The following XKR6 variants were observed in gnomAD, a reference collection of about 807,000 sequenced individuals.
XKR6 encodes the protein XK-related protein 6.
XKR6 carries 22 observed loss-of-function variants against 56.7 expected under a neutral mutation model. The observed-to-expected ratio is 0.39, with a 90% CI of 0.28 to 0.55. XKR6 has a LOEUF of 0.55. XKR6 is among the 20% of genes least tolerant of loss of function. The probability of loss-of-function intolerance (pLI) is 0.66; values close to 1 mark genes in which losing one functional copy is unlikely to be tolerated. For synonymous variants in XKR6, 524 were observed against 387.8 expected (o/e 1.35, Z -4.13); for missense variants, 852 against 889.0 (o/e 0.96, Z 0.53).
At position 11,016,299 on chromosome 8, in the gene XKR6, G is replaced by C. The variant is rs554615835; in HGVS notation, c.765-91469C>G. 9.9e-5 allele frequency among the ~76,000 whole-genome samples: 15 copies of C among 152,242 alleles called. No individual in the cohort carries two copies. In the South Asian group the frequency reaches 2.9e-3, roughly 29 times the overall value. On this transcript the variant is annotated intron_variant, in intron 1 of 2. Transcript: ENST00000416569. The stretch of plus-strand genomic sequence containing the variant: ...CCGCGCCCTGGATGGGGAGGGTCTG[G>C]GCTCCGCGCCGCGAGGCAGCGCGAC...
At position 11,201,202 on chromosome 8, in the gene XKR6, G is replaced by A. The variant is rs1355921538; in HGVS notation, c.138C>T (p.Ser46=). The A allele has an allele frequency of 6.5e-7, 1 of 1,530,138 alleles. No individual in the cohort carries two copies. Among genetic ancestry groups the A allele is most frequent in the South Asian group, 1.2e-5 (1 of 83,844 alleles). The allele number at this position is 1,530,138 out of a possible 1,614,324, so 94.8% of individuals were successfully genotyped here. A position where few individuals can be genotyped will look rare whatever the true frequency, so the allele number is the denominator to read the frequency against. ...GCATCGAGCTGCTCTCGCCGGGCTC[G>A]CTGCCGTCGCCGCCGCCGCCGCAGC... ...GGGCGGGGDG[S]EPGESSSMHI... Residue 46 remains serine (S), a synonymous_variant, in exon 1 of 3, where the codon AGC becomes AGT. Coordinates refer to ENST00000416569, the MANE Select transcript of XKR6 (RefSeq NM_173683.4).
chr8:10,907,565 T>C lies in XKR6; in HGVS notation c.962-8649A>G, dbSNP rs1401467170. 4.6e-5 allele frequency among the ~76,000 whole-genome samples: 7 copies of C among 152,324 alleles called. No individual in the cohort carries two copies. The South Asian group carries it at 1.5e-3, about 32-fold the overall frequency. ...AAGACACTGAGGCTTACAGGCTAATTAAGTAACTTTTCCACATGAAGCAGT... is the reference window on the plus strand; with the variant it reads ...AAGACACTGAGGCTTACAGGCTAATCAAGTAACTTTTCCACATGAAGCAGT... On this transcript the variant is annotated intron_variant, in intron 2 of 2. Coordinates refer to ENST00000416569, the MANE Select transcript of XKR6 (RefSeq NM_173683.4).
intron 1 of XKR6, among the ~76,000 whole-genome samples, chr8:11,049,303 C>G (rs142966201): frequency 7.2e-4 from 110 of 152,362 alleles, no homozygotes; most frequent in African/African-American, 2.5e-3. Context: ...TAGCCAAAAC[C>G]TCTATCTGTT....
intron 1 of XKR6, among the ~76,000 whole-genome samples, chr8:11,188,310 T>C (rs895115230): frequency 6.6e-6 from 1 of 152,180 alleles, no homozygotes; most frequent in East Asian, 1.9e-4. Context: ...TAAAAATTAG[T>C]ATGCAGTTCC....
intron 1 of XKR6, among the ~76,000 whole-genome samples, chr8:11,035,789 G>A (rs1408112298): frequency 1.3e-5 from 2 of 152,114 alleles, no homozygotes; most frequent in Non-Finnish European, 2.9e-5. Flanking sequence ...GGAAACTGAG[G>A]AGAGGGAGGT....
intron 1 of XKR6, among the ~76,000 whole-genome samples, chr8:11,110,290 T>C (rs906051581): frequency 5.9e-5 from 9 of 152,144 alleles, no homozygotes; most frequent in African/African-American, 1.7e-4. Context: ...ACCTACTTTA[T>C]GTTTTCACTG....
rs775000168 is a variant in XKR6 at position 10,898,250 on chromosome 8, G to A, written c.1628C>T (p.Pro543Leu). ...CTGTTGTTCCGTTACGGCTCTGGTG[G>A]GCGTAACCTGGGTCCCCCGGTACCC... Reference protein sequence around the residue: ...IPGYRGTQVTPTRAVTEQQED... With the variant: ...IPGYRGTQVTLTRAVTEQQED... The change falls in exon 3 of 3, where the codon CCC (proline) becomes CTC (leucine). Residue 543 changes from proline (P) to leucine (L), a missense_variant. Physicochemically the swap from Pro to Leu is moderately conservative, Grantham distance 98 (BLOSUM62 -3). Transcript: ENST00000416569. The surrounding 1 kb of genome is among the most constrained non-coding windows in gnomAD (Gnocchi z 6.6). 12 of 1,614,128 alleles carry A rather than the reference G, an allele frequency of 7.4e-6. No homozygotes were observed. Among genetic ancestry groups the A allele is most frequent in the Middle Eastern group, 1.6e-4 (1 of 6,062 alleles).
intron 1 of XKR6, among the ~76,000 whole-genome samples, chr8:11,001,559 G>C (rs1193721944): frequency 6.6e-6 from 1 of 152,208 alleles, no homozygotes; most frequent in African/African-American, 2.4e-5. Context: ...CCAGTCCTTG[G>C]ATCCCAATTC....
At chr8:11,017,320 C>T (rs954041277) in intron 1 of XKR6, among the ~76,000 whole-genome samples, 3 of 152,194 alleles carry the variant, frequency 2.0e-5, no homozygotes, top group African/African-American at 7.2e-5. Flanking sequence ...CAGGACAGTA[C>T]CCAGGCTTTG....
chr8:10,953,391 C>T (rs1801786918), intron 1 of XKR6, among the ~76,000 whole-genome samples: 1 of 152,160 alleles, frequency 6.6e-6, no homozygotes, highest in Non-Finnish European at 1.5e-5. Flanking sequence ...CCTGCTCCCC[C>T]TTGGCCTTCC....
chr8:10,915,730 G>A (rs921486795), intron 2 of XKR6, among the ~76,000 whole-genome samples: 6 of 152,194 alleles, frequency 3.9e-5, no homozygotes, highest in South Asian at 2.1e-4. Context: ...TGCTATAGAC[G>A]CCAAGCAGAT....
Position 11,119,498 on chromosome 8 carries a change from T to C in XKR6, c.764+81078A>G, listed in dbSNP as rs991487969. On this transcript the variant is annotated intron_variant, in intron 1 of 2. Transcript: ENST00000416569. Reference sequence around the variant, plus strand: ...CTTTATGAATCTGGGTGCTCCTGCATTGGGTGCACATATATTTAGGACAGT... The same window carrying C: ...CTTTATGAATCTGGGTGCTCCTGCACTGGGTGCACATATATTTAGGACAGT... 3.7e-4 allele frequency among the ~76,000 whole-genome samples: 57 copies of C among 152,352 alleles called. 1 individual carries two copies. Among genetic ancestry groups the C allele is most frequent in the African/African-American group, 1.3e-3 (55 of 41,590 alleles).
Position 10,944,119 on chromosome 8 carries a change from ACCACGGTAACAT to A in XKR6, c.765-19301_765-19290del, listed in dbSNP as rs563152374. Among the ~76,000 whole-genome samples, 65 of 152,226 alleles carry A rather than the reference ACCACGGTAACAT, an allele frequency of 4.3e-4. 1 individual carries two copies. Among genetic ancestry groups the A allele is most frequent in the African/African-American group, 1.5e-3 (61 of 41,542 alleles). ...CCATATACCCAGCGCCCCCCAGCCC[ACCACGGTAACAT>A]CCAATCAGAGTGCACTAAACTGAGT... On this transcript the variant is annotated intron_variant, in intron 1 of 2. Transcript: ENST00000416569.
At chr8:11,050,800 A>G (rs929029966) in intron 1 of XKR6, among the ~76,000 whole-genome samples, 21 of 152,010 alleles carry the variant, frequency 1.4e-4, no homozygotes, top group Admixed American at 1.4e-3. Context: ...CCATGTCCCC[A>G]GAACCATTGG....
chr8:11,051,508 G>A (rs188605757), intron 1 of XKR6, among the ~76,000 whole-genome samples: 18 of 152,200 alleles, frequency 1.2e-4, no homozygotes, highest in East Asian at 1.9e-4. Flanking sequence ...CTTCCCCAGC[G>A]GAGTAAAGGA....
At chr8:11,076,696 A>C (rs1358273022) in intron 1 of XKR6, among the ~76,000 whole-genome samples, 1 of 152,218 alleles carries the variant, frequency 6.6e-6, no homozygotes, top group East Asian at 1.9e-4. Flanking sequence ...GGAAGGGTCC[A>C]GCTGAGTCCA....
At chr8:11,162,712 A>C (rs1041483674) in intron 1 of XKR6, among the ~76,000 whole-genome samples, 2 of 152,214 alleles carry the variant, frequency 1.3e-5, no homozygotes, top group African/African-American at 4.8e-5. Flanking sequence ...CAAAAGGCCT[A>C]CTGGTTAACC....
chr8:11,103,829 T>C (rs1237916901), intron 1 of XKR6, among the ~76,000 whole-genome samples: 3 of 152,216 alleles, frequency 2.0e-5, no homozygotes, highest in Non-Finnish European at 4.4e-5. Context: ...TCAATAAGTA[T>C]TGATTTAGCA....
At chr8:11,139,564 C>T (rs574728018) in intron 1 of XKR6, among the ~76,000 whole-genome samples, 1 of 152,186 alleles carries the variant, frequency 6.6e-6, no homozygotes, top group African/African-American at 2.4e-5. Context: ...CCTCCTGGAA[C>T]TCGGAAAACA....
Sources: allele counts gnomAD v4.1 joint callset (sites outside exome capture counted in the v4.1 genomes callset), GRCh38; gene constraint gnomAD v4.1.1; non-coding constraint Gnocchi (gnomAD v3.1); transcripts MANE v1.5; gene names NCBI Gene and HGNC (gene_info 2026-07-23, HGNC 2026-07-21).